SERPINA12: variants seen among roughly 807,000 people sequenced by gnomAD.
SERPINA12 encodes serpin A12.
Under a neutral mutation model 25.9 loss-of-function variants are expected in SERPINA12, and 21 were observed. The observed-to-expected ratio is 0.81, with a 90% CI of 0.58 to 1.17. The LOEUF is 1.17. SERPINA12 is among the 50% of genes most tolerant of loss of function. The pLI, the probability that SERPINA12 is intolerant of heterozygous loss-of-function variation, is 0.00. For missense variants in SERPINA12, 562 were observed against 508.3 expected (o/e 1.11, Z -1.02); for synonymous variants, 220 against 196.0 (o/e 1.12, Z -1.02).
chr14:94,509,813 T>C (rs1901061125), upstream of SERPINA12, among the ~76,000 whole-genome samples: 1 of 151,990 alleles, frequency 6.6e-6, no homozygotes, highest in African/African-American at 2.4e-5. Flanking sequence ...GAAACCAGAG[T>C]GACACACGCC....
intron 3 of SERPINA12, among the ~76,000 whole-genome samples, chr14:94,495,230 G>A (rs1477495315): frequency 1.3e-5 from 2 of 151,158 alleles, no homozygotes; most frequent in African/African-American, 4.9e-5. Context: ...CACTACGCCC[G>A]GCTAATTTTT....
At chr14:94,489,165 AAG>A (rs1424538918) in intron 4 of SERPINA12, among the ~76,000 whole-genome samples, 59 of 151,166 alleles carry the variant, frequency 3.9e-4, no homozygotes, top group African/African-American at 1.3e-3. Flanking sequence ...GAAAGAAAGA[AAG>A]AAAAAAAGAG....
chr14:94,496,129 C>G (rs1003484730), intron 3 of SERPINA12, among the ~76,000 whole-genome samples: 2 of 152,142 alleles, frequency 1.3e-5, no homozygotes, highest in African/African-American at 4.8e-5. Context: ...TGAAGTCCTC[C>G]CTGACCACCG....
At chr14:94,498,531 T>A in intron 1 of SERPINA12, 101 bp from the exon 2 acceptor site, 1 of 958,428 alleles carries the variant, frequency 1.0e-6, no homozygotes, top group Non-Finnish European at 1.5e-6. Context: ...TTATGTGTTG[T>A]ACATAGCAGT....
exon 1 of SERPINA12, chr14:94,517,822 ACT>A (rs1355761148): frequency 1.9e-4 from 29 of 152,034 alleles, no homozygotes; most frequent in African/African-American, 6.5e-4. Context: ...GCTGGTGAGG[ACT>A]CTCTGCCAGG....
upstream of SERPINA12, among the ~76,000 whole-genome samples, chr14:94,509,776 G>C (rs746143724): frequency 3.3e-5 from 5 of 152,176 alleles, no homozygotes; most frequent in Non-Finnish European, 7.3e-5. Context: ...TTGGCACCCA[G>C]TAAACCTCAT....
At chr14:94,491,251 T>G (rs1391875417) in intron 3 of SERPINA12, among the ~76,000 whole-genome samples, 1 of 152,208 alleles carries the variant, frequency 6.6e-6, no homozygotes, top group Non-Finnish European at 1.5e-5. Flanking sequence ...TACATACATG[T>G]ACTAGCGGTA....
At chr14:94,499,481 C>T (rs1174817662) in intron 1 of SERPINA12, among the ~76,000 whole-genome samples, 2 of 152,210 alleles carry the variant, frequency 1.3e-5, no homozygotes, top group East Asian at 3.9e-4. Context: ...TCTGGTTGGA[C>T]ATACTACTGT....
intron 2 of SERPINA12, among the ~76,000 whole-genome samples, chr14:94,515,186 T>C (rs1663020660): frequency 6.6e-6 from 1 of 152,182 alleles, no homozygotes; most frequent in African/African-American, 2.4e-5. Flanking sequence ...GACGTGTTTC[T>C]GTGGGAGAGG....
chr14:94,498,440 G>T lies in SERPINA12; in HGVS notation c.-33-10C>A. The T allele has an allele frequency of 6.3e-7, 1 of 1,576,088 alleles. No individual in the cohort carries two copies. The highest frequency in any genetic ancestry group is 8.6e-7 in the Non-Finnish European group (1 of 1,163,998). On this transcript the variant is annotated splice_polypyrimidine_tract_variant and intron_variant, in intron 1 of 4. Transcript: ENST00000677451. ...CTGTTGAGTAGTAGACCTGAGGTCAGCAGAAAAAAAGAACATGATAACCCC... is the reference window on the plus strand; with the variant it reads ...CTGTTGAGTAGTAGACCTGAGGTCATCAGAAAAAAAGAACATGATAACCCC...
chr14:94,507,114 C>G (rs1230755550), intron 1 of SERPINA12, among the ~76,000 whole-genome samples: 1 of 152,140 alleles, frequency 6.6e-6, no homozygotes, highest in African/African-American at 2.4e-5. Context: ...GATGTCCATA[C>G]AGGAAAAATA....
upstream of SERPINA12, among the ~76,000 whole-genome samples, chr14:94,510,422 G>A (rs1901078965): frequency 6.6e-6 from 1 of 152,050 alleles, no homozygotes; most frequent in South Asian, 2.1e-4. Flanking sequence ...TTACAAGATG[G>A]CCATAATTAA....
chr14:94,490,209 C>A (rs1016769928), intron 3 of SERPINA12, among the ~76,000 whole-genome samples: 1 of 152,194 alleles, frequency 6.6e-6, no homozygotes, highest in Non-Finnish European at 1.5e-5. Flanking sequence ...AGCTCTGTGA[C>A]CTTCCCTCTC....
intron 1 of SERPINA12, among the ~76,000 whole-genome samples, chr14:94,507,911 T>C (rs1360790401): frequency 1.3e-5 from 2 of 152,252 alleles, no homozygotes; most frequent in African/African-American, 2.4e-5. Flanking sequence ...AGCAGCTTTA[T>C]GTGATAGACC....
chr14:94,510,522 C>T (rs1329167653), upstream of SERPINA12, among the ~76,000 whole-genome samples: 1 of 152,186 alleles, frequency 6.6e-6, no homozygotes, highest in Non-Finnish European at 1.5e-5. Context: ...ATGTAAATTA[C>T]TACAACCCCT....
chr14:94,512,516 G>A (rs2139867176), upstream of SERPINA12, among the ~76,000 whole-genome samples: 1 of 152,218 alleles, frequency 6.6e-6, no homozygotes, highest in South Asian at 2.1e-4. Flanking sequence ...ACTATTAATG[G>A]GCATTACTAA....
chr14:94,511,485 G>T, upstream of SERPINA12: 1 of 985,442 alleles, frequency 1.0e-6, no homozygotes, highest in African/African-American at 1.7e-5. Context: ...TTCTGGAACT[G>T]TCTGCATGCC....
intron 4 of SERPINA12, among the ~76,000 whole-genome samples, chr14:94,488,393 C>A (rs1243762170): frequency 1.3e-5 from 2 of 151,808 alleles, no homozygotes; most frequent in Non-Finnish European, 2.9e-5. Context: ...CCATGATATC[C>A]AAAAACCCCC....
At chr14:94,497,300 A>G (rs1404915644) in intron 2 of SERPINA12, among the ~76,000 whole-genome samples, 4 of 152,270 alleles carry the variant, frequency 2.6e-5, no homozygotes, top group African/African-American at 4.8e-5. Flanking sequence ...AGTGATCACC[A>G]TCACCATAAT....
Sources: allele counts gnomAD v4.1 joint callset (sites outside exome capture counted in the v4.1 genomes callset), GRCh38; gene constraint gnomAD v4.1.1; transcripts MANE v1.5; gene names NCBI Gene and HGNC (gene_info 2026-07-23, HGNC 2026-07-21).